The following TTLL11 variants were observed in gnomAD, a reference collection of about 807,000 sequenced individuals.
TTLL11 encodes the protein tubulin tyrosine ligase like 11.
Under a neutral mutation model 51.7 loss-of-function variants are expected in TTLL11, and 42 were observed. The ratio of observed to expected loss-of-function variants is 0.81; its 90% CI spans 0.64 to 1.05. The LOEUF (loss-of-function observed/expected upper bound fraction) is 1.05, where lower values mean the gene tolerates loss of function less well. TTLL11 is among the 50% of genes least tolerant of loss of function. The probability of loss-of-function intolerance (pLI) is 0.00; values close to 1 mark genes in which losing one functional copy is unlikely to be tolerated. For synonymous variants in TTLL11, 381 were observed against 383.5 expected (o/e 0.99, Z 0.08); for missense variants, 799 against 940.4 (o/e 0.85, Z 1.97).
chr9:122,038,513 G>T (rs2131822698), intron 2 of TTLL11, among the ~76,000 whole-genome samples: 1 of 152,266 alleles, frequency 6.6e-6, no homozygotes. Flanking sequence ...GCCGGGTATG[G>T]TGGTACAGGC....
At chr9:122,083,847 A>T (rs953621670) in intron 1 of TTLL11, among the ~76,000 whole-genome samples, 1 of 152,088 alleles carries the variant, frequency 6.6e-6, no homozygotes, top group African/African-American at 2.4e-5. Context: ...TACATATCAA[A>T]TTGGGATTCT....
chr9:121,994,250 G>A (rs909930820), intron 3 of TTLL11, among the ~76,000 whole-genome samples: 1 of 152,162 alleles, frequency 6.6e-6, no homozygotes, highest in African/African-American at 2.4e-5. Context: ...GAAGGCAGGA[G>A]CGGGCAGGAC....
At chr9:121,862,175 CT>C (rs774632655) in intron 7 of TTLL11, among the ~76,000 whole-genome samples, 697 of 140,936 alleles carry the variant, frequency 4.9e-3, no homozygotes, top group African/African-American at 8.0e-3. Flanking sequence ...CCCTCCCCAG[CT>C]TTTTTTTTTT....
Position 121,822,277 on chromosome 9 carries a change from G to C in TTLL11, c.*310C>G, listed in dbSNP as rs912407966. ...TGTGTCCTGTGCCCCAAATACAACA[G>C]ATTTGCCCCAGTTGGTGCTTCCTGT... On this transcript the variant is annotated 3_prime_UTR_variant, in exon 9 of 9. Coordinates refer to ENST00000321582, the MANE Select transcript of TTLL11 (RefSeq NM_001139442.2). This position sits in a 1 kb window ranked among gnomAD's most constrained non-coding sequence, Gnocchi z 5.8. 4 of 202,414 alleles carry C rather than the reference G, an allele frequency of 2.0e-5. No individual in the cohort carries two copies. The highest frequency in any genetic ancestry group is 3.9e-5 in the Non-Finnish European group (4 of 101,420). The allele number at this position is 202,414 out of a possible 1,614,324, so 12.5% of individuals were successfully genotyped here.
chr9:121,899,382 T>TATATATATATATATAC (rs1368391349), intron 6 of TTLL11, among the ~76,000 whole-genome samples: 2 of 113,346 alleles, frequency 1.8e-5, no homozygotes, highest in Admixed American at 1.9e-4. Context: ...TATATACATA[T>TATATATATATATATAC]ATATATATAT....
intron 8 of TTLL11, among the ~76,000 whole-genome samples, chr9:121,841,918 G>A (rs117932139): frequency 0.013 from 1,905 of 152,134 alleles, 16 homozygotes; most frequent in East Asian, 0.04. Context: ...AGAACCACTC[G>A]TCTCTCTAGA....
At chr9:122,029,723 G>A (rs1844468949) in intron 3 of TTLL11, among the ~76,000 whole-genome samples, 1 of 152,168 alleles carries the variant, frequency 6.6e-6, no homozygotes, top group Non-Finnish European at 1.5e-5. Context: ...AATAGATTTA[G>A]TGTAGCCTAA....
chr9:122,025,237 AAGCTCCACATCATT>A (rs1844296034), intron 3 of TTLL11, among the ~76,000 whole-genome samples: 3 of 152,222 alleles, frequency 2.0e-5, no homozygotes, highest in Non-Finnish European at 1.5e-5. Flanking sequence ...CATGAAAAGA[AAGCTCCACATCATT>A]AGTCTTTAGG....
Position 121,815,925 on chromosome 9 carries a change from G to C in TTLL11, c.*6662C>G, listed in dbSNP as rs1836393238. ...AGACCTCCAGGAGCCTCCGCTGTCA[G>C]GGGCGTGGAGGTGGGCAGACGTATT... is the stretch of plus-strand genomic sequence containing the variant. On this transcript the variant is annotated 3_prime_UTR_variant, in exon 9 of 9. Transcript: ENST00000321582. 6.6e-6 allele frequency: 1 copy of C among 152,226 alleles called. No individual in the cohort carries two copies. The highest frequency in any genetic ancestry group is 6.5e-5 in the Admixed American group (1 of 15,290). 9.4% of individuals were successfully genotyped at this position (152,226 alleles called of 1,614,324 possible).
intron 7 of TTLL11, among the ~76,000 whole-genome samples, chr9:121,865,334 A>C (rs1396343253): frequency 6.6e-6 from 1 of 152,228 alleles, no homozygotes. Flanking sequence ...GAAAGGAAGA[A>C]AAACCTTCCC....
intron 1 of TTLL11, among the ~76,000 whole-genome samples, chr9:122,087,080 C>T (rs1264847507): frequency 6.6e-6 from 1 of 152,360 alleles, no homozygotes. Context: ...ATCTGTGTGG[C>T]CATGGGCTGG....
Position 121,826,211 on chromosome 9 carries a change from T to C in TTLL11, c.1841-3332A>G, listed in dbSNP as rs868793129. Among the ~76,000 whole-genome samples the C allele has an allele frequency of 3.6e-4, 40 of 112,448 alleles. 9 individuals carry two copies. Among genetic ancestry groups the C allele is most frequent in the South Asian group, 1.4e-3 (5 of 3,624 alleles). The allele number at this position is 112,448 out of a possible 152,430, so 73.8% of individuals were successfully genotyped here. A position where few individuals can be genotyped will look rare whatever the true frequency, so the allele number is the denominator to read the frequency against. ...ATATATATATATATATATATATATA[T>C]ATATATGCACACATATATATATACA... On this transcript the variant is annotated intron_variant, in intron 8 of 8. Transcript: ENST00000321582.
At chr9:122,045,530 G>C (rs56792155) in intron 1 of TTLL11, among the ~76,000 whole-genome samples, 6,673 of 152,126 alleles carry the variant, frequency 0.044, 286 homozygotes, top group Admixed American at 0.12. Context: ...CAGCCTGGGC[G>C]ATAGAGTGAG....
chr9:121,838,139 AT>A (rs1427368490), intron 8 of TTLL11, among the ~76,000 whole-genome samples: 11 of 152,164 alleles, frequency 7.2e-5, no homozygotes, highest in African/African-American at 2.7e-4. Context: ...TTAAAAATGA[AT>A]CTCTTGGTCT....
intron 6 of TTLL11, among the ~76,000 whole-genome samples, chr9:121,919,531 A>T (rs1486458162): frequency 6.6e-6 from 1 of 152,228 alleles, no homozygotes; most frequent in Non-Finnish European, 1.5e-5. Context: ...TGAGGGCACA[A>T]ATATGGCTGC....
intron 8 of TTLL11, among the ~76,000 whole-genome samples, chr9:121,824,692 AC>A (rs2119105254): frequency 6.6e-6 from 1 of 152,114 alleles, no homozygotes; most frequent in Admixed American, 6.5e-5. Context: ...GGGGATCTAA[AC>A]CTATAGGAGT....
At chr9:121,910,716 C>A (rs1840086398) in intron 6 of TTLL11, among the ~76,000 whole-genome samples, 1 of 151,808 alleles carries the variant, frequency 6.6e-6, no homozygotes, top group African/African-American at 2.4e-5. Context: ...TGGGCAAGTG[C>A]AATTTCAAAA....
At chr9:121,917,594 G>C (rs1840383527) in intron 6 of TTLL11, among the ~76,000 whole-genome samples, 1 of 144,380 alleles carries the variant, frequency 6.9e-6, no homozygotes, top group Non-Finnish European at 1.5e-5. Flanking sequence ...AAAGAAGAGA[G>C]GGAAAGAAGG....
intron 8 of TTLL11, among the ~76,000 whole-genome samples, chr9:121,854,783 A>C (rs1837763694): frequency 7.2e-6 from 1 of 138,568 alleles, no homozygotes; most frequent in African/African-American, 2.7e-5. Flanking sequence ...ATGCATCTTC[A>C]CTGACAAATT....
Sources: gnomAD v4.1 joint callset for allele counts (sites outside exome capture counted in the v4.1 genomes callset) on GRCh38, gnomAD v4.1.1 for gene constraint, Gnocchi (gnomAD v3.1) non-coding constraint, MANE v1.5 for transcripts, NCBI Gene and HGNC (gene_info 2026-07-23, HGNC 2026-07-21) for gene names.